Variants in PRKAR2B observed in about 807,000 individuals in gnomAD.
The protein encoded by PRKAR2B is protein kinase cAMP-dependent type II regulatory subunit beta, also known as cAMP-dependent protein kinase type II-beta regulatory subunit.
A neutral mutation model predicts 49.9 loss-of-function variants in PRKAR2B; 14 were observed. The observed-to-expected ratio is 0.28, with a 90% CI of 0.19 to 0.44. The LOEUF is 0.44. Among genes scored for constraint, PRKAR2B ranks in the 20% least tolerant of loss-of-function variants. The pLI is 1.00. For synonymous variants in PRKAR2B, 196 were observed against 197.7 expected (o/e 0.99, Z 0.07); for missense variants, 393 against 537.9 (o/e 0.73, Z 2.67).
rs781391409 is a variant in PRKAR2B at position 107,150,918 on chromosome 7, G to A, written c.742-4G>A. On this transcript the variant is annotated splice_polypyrimidine_tract_variant and splice_region_variant and intron_variant, in intron 6 of 10. Transcript: ENST00000265717. ...AATTTACCCTTTAACTGTTCTGCCT[G>A]TAGGACAGGGTAACCTTCAGGAGAA... is the stretch of plus-strand genomic sequence containing the variant. The A allele has an allele frequency of 2.6e-6, 4 of 1,561,716 alleles. No individual in the cohort carries two copies. The East Asian group carries it at 6.9e-5, about 27-fold the overall frequency.
At chr7:107,155,774 A>G (rs1347240452) in intron 8 of PRKAR2B, among the ~76,000 whole-genome samples, 3 of 152,212 alleles carry the variant, frequency 2.0e-5, no homozygotes, top group Non-Finnish European at 4.4e-5. Flanking sequence ...CCAAAGGAAT[A>G]TAAATCATTC....
chr7:107,131,862 G>T (rs1450025871), intron 4 of PRKAR2B, among the ~76,000 whole-genome samples: 1 of 152,078 alleles, frequency 6.6e-6, no homozygotes, highest in Non-Finnish European at 1.5e-5. Flanking sequence ...TGTTTTAATT[G>T]AATTACATAT....
At chr7:107,054,465 C>A (rs1793872654) in intron 1 of PRKAR2B, among the ~76,000 whole-genome samples, 1 of 152,138 alleles carries the variant, frequency 6.6e-6, no homozygotes, top group Non-Finnish European at 1.5e-5. Context: ...AATTCTCACT[C>A]CCCTCTCCCT....
At chr7:107,115,280 T>G (rs1274301370) in intron 2 of PRKAR2B, among the ~76,000 whole-genome samples, 1 of 152,140 alleles carries the variant, frequency 6.6e-6, no homozygotes, top group African/African-American at 2.4e-5. Context: ...TACAGTTAAG[T>G]ATCTTGGCTA....
chr7:107,138,808 T>C (rs1795744762), intron 4 of PRKAR2B, among the ~76,000 whole-genome samples: 1 of 152,102 alleles, frequency 6.6e-6, no homozygotes, highest in African/African-American at 2.4e-5. Context: ...CTCGGCCTCC[T>C]GAGTAGCTGA....
intron 2 of PRKAR2B, among the ~76,000 whole-genome samples, chr7:107,110,913 C>A (rs905505911): frequency 8.5e-5 from 13 of 152,162 alleles, no homozygotes; most frequent in African/African-American, 3.1e-4. Context: ...GGGACTGGAT[C>A]TTGCACCTTA....
intron 2 of PRKAR2B, among the ~76,000 whole-genome samples, chr7:107,111,523 AAC>A (rs1312773148): frequency 1.3e-5 from 2 of 152,164 alleles, no homozygotes; most frequent in African/African-American, 4.8e-5. Flanking sequence ...GGCAGCTCAA[AAC>A]ACAGAGAGAG....
At position 107,044,864 on chromosome 7, in the gene PRKAR2B, G is replaced by C. The variant is rs1033077625; in HGVS notation, c.-44G>C. 3.3e-6 allele frequency: 5 copies of C among 1,523,506 alleles called. No individual in the cohort carries two copies. Among genetic ancestry groups the C allele is most frequent in the South Asian group, 1.2e-5 (1 of 82,348 alleles). 94.4% of individuals were successfully genotyped at this position (1,523,506 alleles called of 1,614,324 possible). ...GCGGGGCCCTAGGCCGTGCCGGGGA[G>C]GGGGCGAGGGCGGCGCCCAGGCGCC... On this transcript the variant is annotated 5_prime_UTR_variant, in exon 1 of 11. Coordinates refer to ENST00000265717, the MANE Select transcript of PRKAR2B (RefSeq NM_002736.3).
intron 2 of PRKAR2B, among the ~76,000 whole-genome samples, chr7:107,120,025 A>C (rs1490823293): frequency 1.3e-5 from 2 of 152,184 alleles, no homozygotes; most frequent in African/African-American, 2.4e-5. Context: ...GGGTCCTGTC[A>C]CTTACTAGGA....
intron 5 of PRKAR2B, 81 bp downstream of exon 5, chr7:107,141,034 G>T: frequency 4.1e-6 from 4 of 984,558 alleles, no homozygotes; most frequent in Non-Finnish European, 6.3e-6. Context: ...CAACTGACAG[G>T]TTAATATAGG....
At chr7:107,111,471 G>T (rs980990662) in intron 2 of PRKAR2B, among the ~76,000 whole-genome samples, 1 of 152,232 alleles carries the variant, frequency 6.6e-6, no homozygotes, top group Non-Finnish European at 1.5e-5. Context: ...CCAGCTTCTG[G>T]TCTGACCAAG....
chr7:107,058,370 C>T (rs780539648), intron 1 of PRKAR2B, among the ~76,000 whole-genome samples: 4 of 152,130 alleles, frequency 2.6e-5, no homozygotes, highest in African/African-American at 9.7e-5. Context: ...TTGCCCTTTC[C>T]TCATGTCATA....
chr7:107,111,114 AGCAGTAGCCTG>A (rs1332667139), intron 2 of PRKAR2B, among the ~76,000 whole-genome samples: 3 of 152,208 alleles, frequency 2.0e-5, no homozygotes, highest in Admixed American at 2.0e-4. Flanking sequence ...AGGGAACATC[AGCAGTAGCCTG>A]GCAGTACGCC....
intron 8 of PRKAR2B, among the ~76,000 whole-genome samples, chr7:107,153,654 A>G (rs1027180623): frequency 2.0e-5 from 3 of 152,214 alleles, no homozygotes; most frequent in African/African-American, 2.4e-5. Context: ...AGAAAGGAAC[A>G]CACTGCAACA....
chr7:107,153,314 G>C (rs995698899), intron 8 of PRKAR2B, 63 bp downstream of exon 8: 11 of 1,190,540 alleles, frequency 9.2e-6, no homozygotes, highest in Non-Finnish European at 1.3e-5. Context: ...TGTAGTGGTA[G>C]ATCTTGATAA....
At chr7:107,057,891 C>T (rs886827298) in intron 1 of PRKAR2B, among the ~76,000 whole-genome samples, 1 of 151,868 alleles carries the variant, frequency 6.6e-6, no homozygotes, top group African/African-American at 2.4e-5. Context: ...GCTCTCAAGC[C>T]AGTATAGTAA....
At chr7:107,080,880 T>TAGG (rs1794502698) in intron 2 of PRKAR2B, among the ~76,000 whole-genome samples, 1 of 152,172 alleles carries the variant, frequency 6.6e-6, no homozygotes, top group Non-Finnish European at 1.5e-5. Flanking sequence ...AGATACAGTT[T>TAGG]AGGATCTTAG....
In PRKAR2B at chr7:107,159,465, A is replaced by G. The variant is rs1352946787; in HGVS notation, c.1140A>G (p.Ala380=). The G allele has an allele frequency of 6.2e-7, 1 of 1,614,128 alleles. No homozygotes were observed. The highest frequency in any genetic ancestry group is 1.7e-5 in the Admixed American group (1 of 60,016). ...TTTTCTCAGCAATGGATGTGCAAGCATTTGAAAGGCTTCTGGGACCTTGCA... is the reference window on the plus strand; with the variant it reads ...TTTTCTCAGCAATGGATGTGCAAGCGTTTGAAAGGCTTCTGGGACCTTGCA... ...TVKCLAMDVQ[A]FERLLGPCME... Residue 380 remains alanine, a synonymous_variant, in exon 11 of 11, where the codon GCA becomes GCG. Transcript: ENST00000265717.
At chr7:107,127,026 T>C (rs1795508805) in intron 3 of PRKAR2B, among the ~76,000 whole-genome samples, 2 of 152,236 alleles carry the variant, frequency 1.3e-5, no homozygotes, top group Admixed American at 1.3e-4. Flanking sequence ...AGTTTACATA[T>C]AAATAGTTTA....
Sources: allele counts gnomAD v4.1 joint callset (sites outside exome capture counted in the v4.1 genomes callset), GRCh38; gene constraint gnomAD v4.1.1; transcripts MANE v1.5; gene names NCBI Gene and HGNC (gene_info 2026-07-23, HGNC 2026-07-21).